Variants in CEP192 observed in about 807,000 individuals in gnomAD.
The protein encoded by CEP192 is centrosomal protein 192, also known as centrosomal protein of 192 kDa.
CEP192 carries 151 observed loss-of-function variants against 271.8 expected under a neutral mutation model. The observed-to-expected ratio is 0.56, with a 90% CI of 0.49 to 0.64. The LOEUF is 0.64. CEP192 is among the 30% of genes least tolerant of loss of function. The pLI, the probability that CEP192 is intolerant of heterozygous loss-of-function variation, is 0.00. For synonymous variants in CEP192, 995 were observed against 1,076.5 expected (o/e 0.92, Z 1.48); for missense variants, 2,910 against 3,020.5 (o/e 0.96, Z 0.86).
intron 4 of CEP192, 134 bp downstream of exon 4, chr18:13,008,765 G>A (rs1275789626): frequency 4.0e-5 from 26 of 651,634 alleles, no homozygotes; most frequent in Middle Eastern, 4.2e-4. Flanking sequence ...GTGCAGTGGC[G>A]TGATCACAGC....
At chr18:13,120,145 C>A (rs1374123226) in intron 44 of CEP192, among the ~76,000 whole-genome samples, 1 of 152,160 alleles carries the variant, frequency 6.6e-6, no homozygotes, top group Non-Finnish European at 1.5e-5. Flanking sequence ...AGAGAAAGAA[C>A]CTAAACCTAT....
chr18:13,003,004 C>T (rs2033746405), intron 3 of CEP192, among the ~76,000 whole-genome samples: 1 of 151,928 alleles, frequency 6.6e-6, no homozygotes, highest in Non-Finnish European at 1.5e-5. Flanking sequence ...TTAGGAAATA[C>T]CAGTGACTAA....
intron 5 of CEP192, 77 bp downstream of exon 5, chr18:13,013,102 G>A (rs1434890569): frequency 1.5e-6 from 1 of 674,560 alleles, no homozygotes; most frequent in Non-Finnish European, 2.5e-6. Context: ...ATATATAACT[G>A]TTAATATTAG....
Position 13,087,228 on chromosome 18 carries a change from T to C in CEP192, c.5828T>C (p.Val1943Ala), listed in dbSNP as rs752130866. 1 of 1,611,080 alleles carries C rather than the reference T, an allele frequency of 6.2e-7. No homozygotes were observed. The highest frequency in any genetic ancestry group is 2.2e-5 in the East Asian group (1 of 44,818). ...SQKKVLLDPK[V>A]LRIFPDKFVL... ...AAAAAAGTTTTGCTGGATCCTAAAG[T>C]ATTGAGGATTTTTCCAGATAAATTT... Residue 1943 changes from valine (V) to alanine (A), a missense_variant, in exon 31 of 45, where the codon GTA becomes GCA. Physicochemically the swap from Val to Ala is moderately conservative, Grantham distance 64. Transcript: ENST00000506447.
At chr18:13,124,554 G>C in intron 44 of CEP192, 78 bp from the exon 45 acceptor site, 1 of 1,380,424 alleles carries the variant, frequency 7.2e-7, no homozygotes, top group Non-Finnish European at 9.7e-7. Context: ...CAACACCTGA[G>C]CCAGGCACTG....
At chr18:13,050,027 C>A (rs989355367) in intron 17 of CEP192, 136 bp downstream of exon 17, 3 of 678,644 alleles carry the variant, frequency 4.4e-6, no homozygotes, top group Non-Finnish European at 4.7e-6. Context: ...GAATTTCTTT[C>A]CAGCTATTTT....
chr18:13,073,153 G>A lies in CEP192; in HGVS notation c.5584G>A (p.Gly1862Arg). Residue 1862 changes from glycine (G) to arginine (R), a missense_variant, in exon 30 of 45, where the codon GGA (glycine) becomes AGA (arginine). Coordinates refer to ENST00000506447, the MANE Select transcript of CEP192 (RefSeq NM_032142.4). ...MLARLEIKQL[G>R]NRSQPGIKFT... is the part of the protein sequence containing the mutation. ...GGCTAGACTAGAAATCAAACAACTT[G>A]GAAATCGATCACAACCAGGCATTAA... The A allele has an allele frequency of 6.2e-7, 1 of 1,612,078 alleles. No individual in the cohort carries two copies. The highest frequency in any genetic ancestry group is 2.2e-5 in the East Asian group (1 of 44,850).
chr18:13,006,354 T>C (rs749490286), intron 3 of CEP192, among the ~76,000 whole-genome samples: 5 of 152,122 alleles, frequency 3.3e-5, no homozygotes, highest in Non-Finnish European at 5.9e-5. Context: ...GTTCCACTTA[T>C]AAGCAGATTT....
In CEP192 at chr18:13,008,511, A is replaced by G; in HGVS notation, c.346A>G (p.Ser116Gly). 1 of 1,551,566 alleles carries G rather than the reference A, an allele frequency of 6.4e-7. No homozygotes were observed. The highest frequency in any genetic ancestry group is 8.7e-7 in the Non-Finnish European group (1 of 1,146,884). The part of the protein sequence containing the change: ...VESQRLSNAL[S>G]KQSALQMETA... ...AAGTCAACGTTTGTCAAATGCTCTC[A>G]GCAAACAGTCAGCTTTACAAATGGA... is the stretch of plus-strand genomic sequence containing the variant. The change falls in exon 4 of 45, where the codon AGC becomes GGC. Residue 116 changes from serine to glycine, a missense_variant. Physicochemically the swap from Ser to Gly is moderately conservative, Grantham distance 56 (BLOSUM62 0). Coordinates refer to ENST00000506447, the MANE Select transcript of CEP192 (RefSeq NM_032142.4).
chr18:13,085,715 G>A (rs1428079566), intron 30 of CEP192, among the ~76,000 whole-genome samples: 3 of 152,086 alleles, frequency 2.0e-5, no homozygotes, highest in Non-Finnish European at 4.4e-5. Context: ...GATGTGTGGT[G>A]TTATTTTTGA....
rs568309270 is a variant in CEP192, at chr18:13,071,110, C to T, written c.5246C>T (p.Ser1749Leu). ...EVVLKGEVIS[S>L]GSKPLSPGPC... Reference sequence around the variant, plus strand: ...GTGTTAAAAGGCGAAGTCATTTCTTCAGGAAGTAAACCTCTGTCACCTGGA... The same window carrying T: ...GTGTTAAAAGGCGAAGTCATTTCTTTAGGAAGTAAACCTCTGTCACCTGGA... The change falls in exon 28 of 45, where the codon TCA (serine) becomes TTA (leucine). Residue 1749 changes from serine (S) to leucine (L), a missense_variant. Transcript: ENST00000506447. 4.1e-5 allele frequency: 66 copies of T among 1,613,922 alleles called. No homozygotes were observed. The Admixed American group carries it at 8.7e-4, about 21-fold the overall frequency.
chr18:13,002,585 C>T (rs1302379038), intron 3 of CEP192, among the ~76,000 whole-genome samples: 1 of 152,154 alleles, frequency 6.6e-6, no homozygotes, highest in Non-Finnish European at 1.5e-5. Context: ...TAACACATTG[C>T]TCTTTAGAAA....
intron 22 of CEP192, 60 bp downstream of exon 22, chr18:13,068,016 A>T: frequency 6.2e-7 from 1 of 1,602,654 alleles, no homozygotes; most frequent in Non-Finnish European, 8.5e-7. Context: ...ATGAAAGTAC[A>T]TTTTTTTAAG....
In CEP192 at chr18:13,100,360, G is replaced by T; in HGVS notation, c.6719G>T (p.Arg2240Leu). 1 of 1,614,076 alleles carries T rather than the reference G, an allele frequency of 6.2e-7. No individual in the cohort carries two copies. The change falls in exon 38 of 45, where the codon CGT becomes CTT. Residue 2240 changes from arginine (R) to leucine (L), a missense_variant. By Grantham distance (102) the Arg-to-Leu change is moderately radical. Transcript: ENST00000506447. ...TTAACTCAAGTGGAACTTTTAACTC[G>T]TTTGACCTCCAAACCATTTGGAATT... ...EDLTQVELLT[R>L]LTSKPFGILS...
At chr18:13,097,148 A>C (rs554936271) in intron 36 of CEP192, among the ~76,000 whole-genome samples, 20 of 152,306 alleles carry the variant, frequency 1.3e-4, no homozygotes, top group Admixed American at 1.0e-3. Flanking sequence ...GGCATGCAGC[A>C]AGTGTTTCTC....
intron 40 of CEP192, among the ~76,000 whole-genome samples, chr18:13,107,000 A>T (rs2039987390): frequency 6.6e-6 from 1 of 152,240 alleles, no homozygotes; most frequent in South Asian, 2.1e-4. Context: ...AGAAACTGTA[A>T]TACTACTCCG....
intron 13 of CEP192, 63 bp downstream of exon 13, chr18:13,038,642 T>C (rs2036036486): frequency 2.4e-6 from 3 of 1,236,568 alleles, no homozygotes; most frequent in Non-Finnish European, 3.5e-6. Context: ...AGTATTATGA[T>C]GGCACAGTGA....
intron 3 of CEP192, among the ~76,000 whole-genome samples, chr18:13,006,327 C>T (rs56163906): frequency 0.13 from 20,306 of 151,528 alleles, 2,088 homozygotes; most frequent in African/African-American, 0.28. Flanking sequence ...TTGAACAACC[C>T]GAGTTTGGAC....
intron 4 of CEP192, 71 bp downstream of exon 4, chr18:13,008,702 A>ATTTT (rs796795541): frequency 1.8e-5 from 17 of 932,600 alleles, no homozygotes; most frequent in East Asian, 3.0e-5. Flanking sequence ...TTATCTTTGG[A>ATTTT]TTTTTTTTTT....
Sources: gnomAD v4.1 joint callset for allele counts (sites outside exome capture counted in the v4.1 genomes callset) on GRCh38, gnomAD v4.1.1 for gene constraint, MANE v1.5 for transcripts, NCBI Gene and HGNC (gene_info 2026-07-23, HGNC 2026-07-21) for gene names.